The following SMURF1 variants were observed in gnomAD, a reference collection of about 807,000 sequenced individuals.
SMURF1 encodes E3 ubiquitin-protein ligase SMURF1.
In SMURF1, 44 loss-of-function variants were observed where a neutral mutation model predicts 98.0. The observed-to-expected ratio is 0.45, with a 90% confidence interval of 0.35 to 0.58. The LOEUF (loss-of-function observed/expected upper bound fraction) is 0.58, where lower values mean the gene tolerates loss of function less well. SMURF1 is among the 20% of genes least tolerant of loss of function. The pLI is 0.00. For synonymous variants in SMURF1, 396 were observed against 374.9 expected (o/e 1.06, Z -0.65); for missense variants, 687 against 938.4 (o/e 0.73, Z 3.50).
rs574575647 is a variant in SMURF1, at chr7:99,049,670, C to G, written c.846G>C (p.Leu282=). ...TACTTCTGACTTCCCAGCCTGGCGG[C>G]AGTGGTCCAAGTTCATCACAGTTCA... ...NSVNCDELGP[L]PPGWEVRSTV... The change falls in exon 9 of 18, where the codon CTG becomes CTC. Residue 282 remains leucine, a synonymous_variant. Coordinates refer to ENST00000361368, the MANE Select transcript of SMURF1 (RefSeq NM_181349.3). 4.3e-6 allele frequency: 7 copies of G among 1,614,082 alleles called. No individual in the cohort carries two copies. In the South Asian group the frequency reaches 6.6e-5, roughly 15 times the overall value.
Position 99,029,235 on chromosome 7 carries a change from C to CCAAA in SMURF1, c.*1345_*1348dup, listed in dbSNP as rs1298346332. 1 of 152,654 alleles carries CCAAA rather than the reference C, an allele frequency of 6.6e-6. No individual in the cohort carries two copies. The allele number at this position is 152,654 out of a possible 1,614,324, so 9.5% of individuals were successfully genotyped here. On this transcript the variant is annotated 3_prime_UTR_variant, in exon 18 of 18. Transcript: ENST00000361368. ...GAATTACCCTGTACTTGCCCCCACC[C>CCAAA]CAAACAAAAACAACAACAAAGAAAC...
intron 1 of SMURF1, among the ~76,000 whole-genome samples, chr7:99,130,524 CA>C (rs1797849827): frequency 6.6e-6 from 1 of 152,138 alleles, no homozygotes; most frequent in Non-Finnish European, 1.5e-5. Context: ...TACAAATTGA[CA>C]ACAAAATTTA....
At chr7:99,124,263 G>A (rs992892095) in intron 1 of SMURF1, among the ~76,000 whole-genome samples, 4 of 152,168 alleles carry the variant, frequency 2.6e-5, no homozygotes, top group African/African-American at 9.7e-5. Flanking sequence ...ATCCAGGTTG[G>A]CAGCAGTCTT....
intron 1 of SMURF1, among the ~76,000 whole-genome samples, chr7:99,134,035 A>G (rs1012290511): frequency 2.6e-5 from 4 of 151,208 alleles, no homozygotes; most frequent in African/African-American, 9.7e-5. Context: ...TTGTAGGGAC[A>G]TTCCAAGCAC....
At chr7:99,093,950 G>A (rs11772794) in intron 1 of SMURF1, among the ~76,000 whole-genome samples, 10 of 152,092 alleles carry the variant, frequency 6.6e-5, no homozygotes, top group Admixed American at 2.0e-4. Context: ...AAAGTCAGTC[G>A]TAGGTGTCAT....
At chr7:99,093,105 G>A (rs2150580601) in intron 1 of SMURF1, among the ~76,000 whole-genome samples, 1 of 152,300 alleles carries the variant, frequency 6.6e-6, no homozygotes, top group South Asian at 2.1e-4. Context: ...GGAGGGCGCA[G>A]AGGGAGGAAA....
chr7:99,032,764 C>A, intron 17 of SMURF1: 1 of 458,338 alleles, frequency 2.2e-6, no homozygotes, highest in Non-Finnish European at 3.9e-6. Context: ...TAATGTTGGC[C>A]CTCTTACAGG....
At chr7:99,073,648 C>G (rs1467820766) in intron 1 of SMURF1, among the ~76,000 whole-genome samples, 2 of 151,864 alleles carry the variant, frequency 1.3e-5, no homozygotes, top group African/African-American at 2.4e-5. Context: ...CACCTATAAT[C>G]CCAGCTACTT....
chr7:99,036,293 C>T (rs1264946084), intron 15 of SMURF1: 1 of 157,466 alleles, frequency 6.4e-6, no homozygotes, highest in Admixed American at 6.2e-5. Flanking sequence ...GCCTGGGCAA[C>T]ATGGCAAAAC....
At chr7:99,057,611 T>TTG in intron 3 of SMURF1, 60 bp from the exon 4 acceptor site, 1 of 1,468,348 alleles carries the variant, frequency 6.8e-7, no homozygotes, top group Non-Finnish European at 8.9e-7. Context: ...TTTTGTTTTT[T>TTG]TTTTTTTTTG....
At chr7:99,093,533 T>C (rs1796861047) in intron 1 of SMURF1, among the ~76,000 whole-genome samples, 1 of 152,134 alleles carries the variant, frequency 6.6e-6, no homozygotes, top group South Asian at 2.1e-4. Context: ...CATTACATTA[T>C]TGCCAAATTG....
At chr7:99,058,553 A>C (rs1318949036) in intron 3 of SMURF1, among the ~76,000 whole-genome samples, 3 of 152,220 alleles carry the variant, frequency 2.0e-5, no homozygotes, top group Non-Finnish European at 4.4e-5. Context: ...GATCTATTCA[A>C]AGTACACAAG....
At chr7:99,110,409 A>T (rs909142271) in intron 1 of SMURF1, among the ~76,000 whole-genome samples, 7 of 152,322 alleles carry the variant, frequency 4.6e-5, no homozygotes, top group African/African-American at 1.7e-4. Context: ...TATTTATGGA[A>T]TTTTTCTTGG....
At chr7:99,141,909 T>A (rs1424805945) in intron 1 of SMURF1, among the ~76,000 whole-genome samples, 1 of 152,134 alleles carries the variant, frequency 6.6e-6, no homozygotes, top group East Asian at 1.9e-4. Context: ...CAGGGGAAAA[T>A]CCCTGACGGG....
chr7:99,035,451 AGCTCTTCCT>A (rs1795098301), intron 16 of SMURF1, 55 bp downstream of exon 16: 2 of 1,580,222 alleles, frequency 1.3e-6, no homozygotes, highest in Admixed American at 1.7e-5. Context: ...GCCACCTTCC[AGCTCTTCCT>A]GCCCACAGCG....
intron 1 of SMURF1, among the ~76,000 whole-genome samples, chr7:99,068,657 AAAC>A (rs1360331788): frequency 6.6e-6 from 1 of 152,104 alleles, no homozygotes; most frequent in Non-Finnish European, 1.5e-5. Flanking sequence ...CAACAACAAC[AAAC>A]AACAACAACA....
chr7:99,030,489 TC>T lies in SMURF1; in HGVS notation c.*94del, dbSNP rs1301485942. The T allele has an allele frequency of 1.9e-6, 2 of 1,031,790 alleles. No individual in the cohort carries two copies. Among genetic ancestry groups the T allele is most frequent in the Non-Finnish European group, 3.0e-6 (2 of 670,586 alleles). The allele number at this position is 1,031,790 out of a possible 1,614,324, so 63.9% of individuals were successfully genotyped here. A position where few individuals can be genotyped will look rare whatever the true frequency, so the allele number is the denominator to read the frequency against. ...CCTTTCCCCTCAGGTGATCTGGAAT[TC>T]CAGGGCCTCTGCCAGCTTTGCAGGA... On this transcript the variant is annotated 3_prime_UTR_variant, in exon 18 of 18. Coordinates refer to ENST00000361368, the MANE Select transcript of SMURF1 (RefSeq NM_181349.3).
In SMURF1 at chr7:99,049,622, A is replaced by G. The variant is rs1199108276; in HGVS notation, c.894T>C (p.Phe298=). Residue 298 remains phenylalanine (F), a synonymous_variant, in exon 9 of 18, where the codon TTT becomes TTC. Coordinates refer to ENST00000361368, the MANE Select transcript of SMURF1 (RefSeq NM_181349.3). ...VRSTVSGRIY[F]VDHNNRTTQF... Reference sequence around the variant, plus strand: ...GGGTTGTTCGGTTATTATGATCTACAAAATATATCCTCCCAGAAACTGTAC... The same window carrying G: ...GGGTTGTTCGGTTATTATGATCTACGAAATATATCCTCCCAGAAACTGTAC... 1.2e-6 allele frequency: 2 copies of G among 1,614,064 alleles called. No individual in the cohort carries two copies. The highest frequency in any genetic ancestry group is 8.5e-7 in the Non-Finnish European group (1 of 1,180,012).
At chr7:99,123,995 G>A (rs1024009540) in intron 1 of SMURF1, among the ~76,000 whole-genome samples, 6 of 152,184 alleles carry the variant, frequency 3.9e-5, no homozygotes, top group African/African-American at 1.4e-4. Flanking sequence ...GCTTAAAGAT[G>A]AAGCACATGA....
Sources: gnomAD v4.1 joint callset for allele counts (sites outside exome capture counted in the v4.1 genomes callset) on GRCh38, gnomAD v4.1.1 for gene constraint, MANE v1.5 for transcripts, NCBI Gene and HGNC (gene_info 2026-07-23, HGNC 2026-07-21) for gene names.